The following ARHGAP25 variants were observed in gnomAD, a reference collection of about 807,000 sequenced individuals.
ARHGAP25 encodes rho GTPase-activating protein 25.
In ARHGAP25, 34 loss-of-function variants were observed where a neutral mutation model predicts 71.0. The observed-to-expected ratio is 0.48, with a 90% CI of 0.36 to 0.64. ARHGAP25 has a LOEUF of 0.64. ARHGAP25 is among the 30% of genes least tolerant of loss of function. ARHGAP25 has a pLI of 0.00. For missense variants in ARHGAP25, 706 were observed against 805.1 expected, an observed-to-expected ratio of 0.88 and a Z score of 1.49; for synonymous variants, 282 against 296.5, an observed-to-expected ratio of 0.95 and a Z score of 0.50.
At chr2:68,769,637 G>A (rs750733252) in intron 1 of ARHGAP25, among the ~76,000 whole-genome samples, 2 of 152,134 alleles carry the variant, frequency 1.3e-5, no homozygotes, top group Non-Finnish European at 2.9e-5. Flanking sequence ...CAAGCAAGGC[G>A]ACAAAGGCTA....
At chr2:68,773,879 G>T (rs9309423) in intron 1 of ARHGAP25, among the ~76,000 whole-genome samples, 3 of 151,792 alleles carry the variant, frequency 2.0e-5, no homozygotes, top group Non-Finnish European at 4.4e-5. Flanking sequence ...AGTGGTTTGC[G>T]TATGTTTGTT....
intron 1 of ARHGAP25, among the ~76,000 whole-genome samples, chr2:68,738,936 A>C (rs550457796): frequency 5.7e-4 from 86 of 152,188 alleles, no homozygotes; most frequent in African/African-American, 1.9e-3. Flanking sequence ...TTACATTGCC[A>C]TTGGTTATTT....
chr2:68,728,989 G>A (rs1674945322), intron 2 of ARHGAP25, among the ~76,000 whole-genome samples: 1 of 152,258 alleles, frequency 6.6e-6, no homozygotes, highest in Middle Eastern at 3.4e-3. Flanking sequence ...GAAAGAAGCC[G>A]GTCACAAAAG....
intron 1 of ARHGAP25, among the ~76,000 whole-genome samples, chr2:68,763,299 T>C (rs1676935474): frequency 6.6e-6 from 1 of 152,228 alleles, no homozygotes; most frequent in Non-Finnish European, 1.5e-5. Context: ...TCAGAAGTAT[T>C]CTGCTGTGTC....
intron 1 of ARHGAP25, among the ~76,000 whole-genome samples, chr2:68,739,181 C>T (rs1675386371): frequency 6.6e-6 from 1 of 152,156 alleles, no homozygotes; most frequent in African/African-American, 2.4e-5. Context: ...CAAAATTCCC[C>T]CTGTACATGC....
chr2:68,750,026 A>T (rs945435630), intron 1 of ARHGAP25, among the ~76,000 whole-genome samples: 4 of 152,190 alleles, frequency 2.6e-5, no homozygotes, highest in Non-Finnish European at 5.9e-5. Context: ...TTTTTTAAAG[A>T]GACAGGGTCT....
At chr2:68,824,576 C>A (rs570340486) in intron 10 of ARHGAP25, among the ~76,000 whole-genome samples, 153 of 152,128 alleles carry the variant, frequency 1.0e-3, no homozygotes, top group Middle Eastern at 6.8e-3. Context: ...CCATGTCTCT[C>A]CTAAAAATAT....
intron 3 of ARHGAP25, 91 bp from the exon 4 acceptor site, chr2:68,787,749 G>T (rs1161658875): frequency 2.7e-5 from 27 of 986,140 alleles, no homozygotes; most frequent in Non-Finnish European, 3.3e-6. Flanking sequence ...ATTGAACCAA[G>T]ACATCAATTT....
chr2:68,770,461 G>C (rs1223644707), intron 1 of ARHGAP25, among the ~76,000 whole-genome samples: 3 of 152,204 alleles, frequency 2.0e-5, no homozygotes, highest in African/African-American at 7.2e-5. Flanking sequence ...ATCCAAAGTG[G>C]AATCTAGACT....
intron 2 of ARHGAP25, 63 bp downstream of exon 2, chr2:68,775,483 G>C: frequency 6.2e-7 from 1 of 1,609,142 alleles, no homozygotes; most frequent in African/African-American, 1.3e-5. Flanking sequence ...GAGCCCGCTG[G>C]GATTTCACTT....
At chr2:68,774,110 G>A (rs1677667899) in intron 1 of ARHGAP25, among the ~76,000 whole-genome samples, 1 of 152,156 alleles carries the variant, frequency 6.6e-6, no homozygotes, top group Non-Finnish European at 1.5e-5. Flanking sequence ...CTGAAAAAGG[G>A]GGTTGGAAGA....
intron 10 of ARHGAP25, among the ~76,000 whole-genome samples, chr2:68,823,765 AG>A (rs551683307): frequency 7.0e-4 from 107 of 152,330 alleles, no homozygotes; most frequent in African/African-American, 2.4e-3. Context: ...CACCGGCTGC[AG>A]GGGGCAAACA....
chr2:68,746,613 A>G (rs1675827305), intron 1 of ARHGAP25, among the ~76,000 whole-genome samples: 1 of 152,046 alleles, frequency 6.6e-6, no homozygotes, highest in African/African-American at 2.4e-5. Flanking sequence ...TGGGGTGTCC[A>G]CATTCATGTG....
chr2:68,726,791 A>G (rs1203753397), intron 2 of ARHGAP25, among the ~76,000 whole-genome samples: 1 of 152,248 alleles, frequency 6.6e-6, no homozygotes, highest in Non-Finnish European at 1.5e-5. Flanking sequence ...GTCTGAGCCC[A>G]GGAGCCTGCA....
At chr2:68,731,435 C>G (rs1675017979), upstream of ARHGAP25, among the ~76,000 whole-genome samples, 1 of 152,054 alleles carries the variant, frequency 6.6e-6, no homozygotes, top group Non-Finnish European at 1.5e-5. Flanking sequence ...CTCTCTCCCT[C>G]ACTCTTCCTC....
intron 2 of ARHGAP25, among the ~76,000 whole-genome samples, chr2:68,719,908 C>T (rs1674713919): frequency 6.6e-6 from 1 of 152,186 alleles, no homozygotes; most frequent in South Asian, 2.1e-4. Flanking sequence ...ATCATAATCA[C>T]CTGTTTTATT....
intron 2 of ARHGAP25, among the ~76,000 whole-genome samples, chr2:68,725,474 G>A (rs1674862354): frequency 6.6e-6 from 1 of 152,034 alleles, no homozygotes; most frequent in African/African-American, 2.4e-5. Flanking sequence ...ACAGGTGTAT[G>A]CCATCCTACC....
chr2:68,753,789 C>CAGAACT (rs1676320145), intron 1 of ARHGAP25, among the ~76,000 whole-genome samples: 1 of 152,050 alleles, frequency 6.6e-6, no homozygotes, highest in Admixed American at 6.6e-5. Context: ...CTTGCATTAT[C>CAGAACT]TGTGGAAACA....
At chr2:68,806,101 G>C (rs1241598406) in intron 4 of ARHGAP25, among the ~76,000 whole-genome samples, 1 of 152,184 alleles carries the variant, frequency 6.6e-6, no homozygotes, top group Non-Finnish European at 1.5e-5. Context: ...GGTAATTTGG[G>C]AAAATATTTT....
Sources: allele counts gnomAD v4.1 joint callset (sites outside exome capture counted in the v4.1 genomes callset), GRCh38; gene constraint gnomAD v4.1.1; transcripts MANE v1.5; gene names NCBI Gene and HGNC (gene_info 2026-07-23, HGNC 2026-07-21).